Variants in ST18 observed in about 807,000 individuals in gnomAD.
ST18 encodes the protein suppression of tumorigenicity 18 protein.
ST18 carries 50 observed loss-of-function variants against 110.0 expected under a neutral mutation model. That is an observed-to-expected ratio of 0.45 (90% CI 0.36 to 0.58). ST18 has a LOEUF of 0.58. Ranked by LOEUF, ST18 falls within the 20% of genes least tolerant of loss-of-function variation. ST18 has a pLI of 0.00. For missense variants in ST18, 1,306 were observed against 1,280.1 expected, an observed-to-expected ratio of 1.02 and a Z score of -0.31; for synonymous variants, 461 against 452.4, an observed-to-expected ratio of 1.02 and a Z score of -0.24.
rs529204395 is a variant in ST18 at position 52,374,073 on chromosome 8, A to G, written c.-465+35255T>C. On this transcript the variant is annotated intron_variant, in intron 2 of 25. Transcript: ENST00000689386. ...TCTACTTCACTGAGAAAATTCAACC[A>G]ATCCAAAGATAACTTCCAGAGGCTC... Among the ~76,000 whole-genome samples the G allele has an allele frequency of 5.1e-4, 77 of 152,256 alleles. 1 individual carries two copies. Among genetic ancestry groups the G allele is most frequent in the African/African-American group, 1.8e-3 (76 of 41,538 alleles).
At chr8:52,134,833 G>A (rs2051323616) in intron 19 of ST18, among the ~76,000 whole-genome samples, 1 of 151,904 alleles carries the variant, frequency 6.6e-6, no homozygotes, top group South Asian at 2.1e-4. Context: ...GTTCGTTTTG[G>A]GGCATTCTCC....
intron 2 of ST18, among the ~76,000 whole-genome samples, chr8:52,294,831 C>A (rs572444745): frequency 2.6e-5 from 4 of 152,326 alleles, no homozygotes; most frequent in Admixed American, 1.3e-4. Flanking sequence ...AGAGCCCCCA[C>A]ATTTAGGCTA....
rs988584477 is a variant in ST18 at position 52,146,809 on chromosome 8, G to C, written c.2052+2923C>G. Among the ~76,000 whole-genome samples the C allele has an allele frequency of 2.6e-5, 4 of 152,212 alleles. No homozygotes were observed. In the East Asian group the frequency reaches 7.7e-4, roughly 29 times the overall value. ...TTACCTTGGCACGGATGAAGGAACA[G>C]AGAACAAGAGTGAGAAACCATATCA... On this transcript the variant is annotated intron_variant, in intron 16 of 25. Transcript: ENST00000689386.
chr8:52,311,669 G>GGA (rs1230967405), intron 2 of ST18, among the ~76,000 whole-genome samples: 1 of 152,190 alleles, frequency 6.6e-6, no homozygotes, highest in Non-Finnish European at 1.5e-5. Flanking sequence ...TATGGTGGCA[G>GGA]GAGAGAGAGA....
chr8:52,133,426 G>T, intron 19 of ST18, 125 bp from the exon 20 acceptor site: 1 of 1,102,298 alleles, frequency 9.1e-7, no homozygotes, highest in Non-Finnish European at 1.3e-6. Context: ...TTCACGTGGA[G>T]GGAGGCGGGG....
chr8:52,180,421 G>A (rs1344720287), intron 8 of ST18, 109 bp from the exon 9 acceptor site: 2 of 1,228,184 alleles, frequency 1.6e-6, no homozygotes, highest in Non-Finnish European at 2.3e-6. Flanking sequence ...TGGGACTAGA[G>A]GTTTAGGGTT....
intron 2 of ST18, among the ~76,000 whole-genome samples, chr8:52,388,708 C>CAGGG (rs1837888051): frequency 6.7e-6 from 1 of 149,262 alleles, no homozygotes; most frequent in Non-Finnish European, 1.5e-5. Context: ...GATGGGAGGT[C>CAGGG]AGGGAGGGCC....
intron 2 of ST18, among the ~76,000 whole-genome samples, chr8:52,375,428 A>C (rs1033145989): frequency 6.6e-6 from 1 of 151,152 alleles, no homozygotes; most frequent in African/African-American, 2.4e-5. Flanking sequence ...CTCAGGCCTT[A>C]TTTTACTGAA....
At chr8:52,150,458 G>A (rs2132508140) in intron 15 of ST18, among the ~76,000 whole-genome samples, 1 of 152,280 alleles carries the variant, frequency 6.6e-6, no homozygotes, top group South Asian at 2.1e-4. Context: ...AATCTCACAT[G>A]AGAAATATGC....
At chr8:52,276,038 ATG>A (rs2095232913) in intron 2 of ST18, among the ~76,000 whole-genome samples, 218 of 11,124 alleles carry the variant, frequency 0.02, no homozygotes, top group East Asian at 0.025. Flanking sequence ...CACACACCAC[ATG>A]CACACTGCAC....
At chr8:52,263,418 G>A (rs2094759724) in intron 2 of ST18, among the ~76,000 whole-genome samples, 1 of 152,120 alleles carries the variant, frequency 6.6e-6, no homozygotes. Context: ...GAATTTCACA[G>A]AACATCTCTG....
At chr8:52,299,642 T>A (rs1323608092) in intron 2 of ST18, among the ~76,000 whole-genome samples, 1 of 152,236 alleles carries the variant, frequency 6.6e-6, no homozygotes, top group African/African-American at 2.4e-5. Context: ...CAGGCCTACA[T>A]GAAGTGGCAT....
At chr8:52,185,471 G>A (rs952925210) in intron 8 of ST18, among the ~76,000 whole-genome samples, 12 of 152,158 alleles carry the variant, frequency 7.9e-5, no homozygotes, top group African/African-American at 2.7e-4. Flanking sequence ...CAAAGACAAT[G>A]TTGGAAAAGA....
chr8:52,258,444 A>T (rs1285645870), intron 2 of ST18, among the ~76,000 whole-genome samples: 1 of 152,182 alleles, frequency 6.6e-6, no homozygotes, highest in Non-Finnish European at 1.5e-5. Flanking sequence ...ACTCTTAAAA[A>T]TTTCTTTCAA....
chr8:52,285,166 C>A (rs541439118), intron 2 of ST18, among the ~76,000 whole-genome samples: 27 of 152,278 alleles, frequency 1.8e-4, no homozygotes, highest in African/African-American at 5.8e-4. Context: ...TTCCAAGATT[C>A]TCAGGATTTG....
At chr8:52,334,245 A>G (rs1810998231) in intron 2 of ST18, among the ~76,000 whole-genome samples, 1 of 152,238 alleles carries the variant, frequency 6.6e-6, no homozygotes, top group Non-Finnish European at 1.5e-5. Context: ...TAATAAAGAC[A>G]TAAATAAACA....
intron 2 of ST18, among the ~76,000 whole-genome samples, chr8:52,307,378 T>C (rs2095831710): frequency 6.6e-6 from 1 of 152,192 alleles, no homozygotes; most frequent in South Asian, 2.1e-4. Flanking sequence ...AGTTCTATTA[T>C]CTTCATCATA....
rs207469169 is a variant in ST18, at chr8:52,277,405, G to A, written c.-464-47328C>T. ...TCTTTTCTTTATCTTAAAGCATGAT[G>A]ATACCCCCCAATAGCAGAATGTAGT... is the stretch of plus-strand genomic sequence containing the variant. On this transcript the variant is annotated intron_variant, in intron 2 of 25. Transcript: ENST00000689386. 5.9e-5 allele frequency among the ~76,000 whole-genome samples: 9 copies of A among 152,264 alleles called. No homozygotes were observed. The South Asian group carries it at 6.2e-4, about 11-fold the overall frequency.
chr8:52,185,257 T>C (rs1267107679), intron 8 of ST18, among the ~76,000 whole-genome samples: 2 of 152,030 alleles, frequency 1.3e-5, no homozygotes, highest in East Asian at 1.9e-4. Flanking sequence ...GTAAAGAACA[T>C]AGTGAGAAAG....
Sources: allele counts gnomAD v4.1 joint callset (sites outside exome capture counted in the v4.1 genomes callset), GRCh38; gene constraint gnomAD v4.1.1; transcripts MANE v1.5; gene names NCBI Gene and HGNC (gene_info 2026-07-23, HGNC 2026-07-21).